Variants in ZDHHC11 observed in about 807,000 individuals in gnomAD.
The protein encoded by ZDHHC11 is palmitoyltransferase ZDHHC11.
Under a neutral mutation model 51.3 loss-of-function variants are expected in ZDHHC11, and 44 were observed. That is an observed-to-expected ratio of 0.86 (90% CI 0.67 to 1.10). ZDHHC11 has a LOEUF of 1.10. Ranked by LOEUF, ZDHHC11 falls within the 50% of genes least tolerant of loss-of-function variation. ZDHHC11 has a pLI of 0.00. For synonymous variants in ZDHHC11, 163 were observed against 222.0 expected (o/e 0.73, Z 2.36); for missense variants, 400 against 537.7 (o/e 0.74, Z 2.53).
intron 11 of ZDHHC11, among the ~76,000 whole-genome samples, chr5:808,822 C>T (rs1318860627): frequency 2.0e-5 from 3 of 146,998 alleles, no homozygotes; most frequent in Non-Finnish European, 3.0e-5. Flanking sequence ...CTCAGCCTCC[C>T]GAGTAGCTGG....
At chr5:838,334 C>T (rs1268919066) in intron 5 of ZDHHC11, among the ~76,000 whole-genome samples, 1 of 152,190 alleles carries the variant, frequency 6.6e-6, no homozygotes, top group South Asian at 2.1e-4. Context: ...CCACGAGCTT[C>T]CATGGAGGGG....
chr5:851,429 G>A (rs1747220344), upstream of ZDHHC11, among the ~76,000 whole-genome samples: 1 of 152,178 alleles, frequency 6.6e-6, no homozygotes, highest in Non-Finnish European at 1.5e-5. Context: ...GATCTTGAGG[G>A]GCTGGGCGGT....
intron 1 of ZDHHC11, 125 bp from the exon 2 acceptor site, chr5:848,785 G>A (rs1433406875): frequency 6.5e-6 from 9 of 1,388,542 alleles, no homozygotes; most frequent in Non-Finnish European, 5.9e-6. Flanking sequence ...CCCTGCACAC[G>A]TGAGCCCAGC....
At chr5:838,300 A>C (rs1206353243) in intron 5 of ZDHHC11, among the ~76,000 whole-genome samples, 1 of 152,008 alleles carries the variant, frequency 6.6e-6, no homozygotes, top group African/African-American at 2.4e-5. Context: ...AACGTTAATA[A>C]AATGGGCTCT....
chr5:800,862 T>C (rs1738314665), intron 12 of ZDHHC11, among the ~76,000 whole-genome samples: 1 of 151,310 alleles, frequency 6.6e-6, no homozygotes, highest in Admixed American at 6.6e-5. Context: ...AATCTATACA[T>C]TGTTTACTGC....
In ZDHHC11 at chr5:824,099, C is replaced by T. The variant is rs192911729; in HGVS notation, c.1023+1065G>A. ...GGAAGTGTGGTGAGGTGGCCCTGCC[C>T]CCACAGGGAAGGAGAACACACCTGT... On this transcript the variant is annotated intron_variant, in intron 8 of 12. Transcript: ENST00000283441. 1,916 of 454,786 alleles carry T rather than the reference C, an allele frequency of 4.2e-3. 79 individuals are homozygous for T. Among genetic ancestry groups the T allele is most frequent in the Non-Finnish European group, 7.3e-3 (1,641 of 226,144 alleles). The allele number at this position is 454,786 out of a possible 1,614,324, so 28.2% of individuals were successfully genotyped here.
intron 11 of ZDHHC11, among the ~76,000 whole-genome samples, chr5:812,565 C>T (rs181435650): frequency 4.0e-5 from 6 of 151,270 alleles, no homozygotes; most frequent in African/African-American, 1.5e-4. Flanking sequence ...TTGCTAATAT[C>T]TGGTGCTGAA....
At chr5:838,404 C>CT (rs1744228767) in intron 5 of ZDHHC11, among the ~76,000 whole-genome samples, 1 of 152,132 alleles carries the variant, frequency 6.6e-6, no homozygotes, top group South Asian at 2.1e-4. Flanking sequence ...TGTCTTGTGA[C>CT]TATTTCTGGA....
At chr5:836,268 A>G (rs1743835003) in intron 6 of ZDHHC11, among the ~76,000 whole-genome samples, 1 of 150,370 alleles carries the variant, frequency 6.7e-6, no homozygotes, top group Non-Finnish European at 1.5e-5. Flanking sequence ...ATTGATTGGC[A>G]TGATTGCGTG....
intron 11 of ZDHHC11, among the ~76,000 whole-genome samples, chr5:811,213 G>A (rs1346207978): frequency 1.4e-5 from 2 of 139,762 alleles, no homozygotes; most frequent in East Asian, 2.0e-4. Context: ...ATGGATAAAG[G>A]AGAAAATGTC....
At chr5:797,163 G>A (rs1737707431) in intron 12 of ZDHHC11, among the ~76,000 whole-genome samples, 1 of 151,238 alleles carries the variant, frequency 6.6e-6, no homozygotes, top group Admixed American at 6.6e-5. Flanking sequence ...GCCAAGATTG[G>A]GCCACTGCAC....
At position 828,475 on chromosome 5, in the gene ZDHHC11, C is replaced by T. The variant is rs1287308298; in HGVS notation, c.936-3224G>A. On this transcript the variant is annotated intron_variant, in intron 7 of 12. Transcript: ENST00000283441. ...GGGGGCTGACCCCCCACCTCCCTCC[C>T]GGACGGGGGACCTGCCAAATTTATA... 2.3e-4 allele frequency among the ~76,000 whole-genome samples: 35 copies of T among 151,196 alleles called. 1 individual carries two copies. Among genetic ancestry groups the T allele is most frequent in the African/African-American group, 6.8e-4 (28 of 41,106 alleles).
chr5:856,377 CCCA>C (rs1192426967), intron 1 of ZDHHC11, among the ~76,000 whole-genome samples: 1 of 151,342 alleles, frequency 6.6e-6, no homozygotes, highest in African/African-American at 2.4e-5. Context: ...ACACAGACCA[CCCA>C]CAACACATAC....
chr5:851,602 G>A (rs575988726), upstream of ZDHHC11, among the ~76,000 whole-genome samples: 5 of 152,212 alleles, frequency 3.3e-5, no homozygotes, highest in East Asian at 1.9e-4. Flanking sequence ...TCTTGCAGTC[G>A]TGAACGTCCA....
intron 12 of ZDHHC11, among the ~76,000 whole-genome samples, chr5:799,407 G>A (rs993711319): frequency 2.6e-5 from 4 of 151,558 alleles, no homozygotes; most frequent in Admixed American, 6.6e-5. Flanking sequence ...CCAAATACAC[G>A]ATTTTTCTTT....
chr5:858,176 C>T (rs1409738951), intron 1 of ZDHHC11, among the ~76,000 whole-genome samples: 2 of 144,778 alleles, frequency 1.4e-5, no homozygotes, highest in African/African-American at 5.2e-5. Context: ...CCAGGCCTGT[C>T]TTTATGACAC....
upstream of ZDHHC11, among the ~76,000 whole-genome samples, chr5:852,230 C>A (rs1339945659): frequency 6.6e-6 from 1 of 152,144 alleles, no homozygotes; most frequent in Non-Finnish European, 1.5e-5. Context: ...CCTGGAATAT[C>A]AAATCCAGGA....
chr5:843,090 C>G (rs1185226453), intron 4 of ZDHHC11, among the ~76,000 whole-genome samples: 1 of 151,904 alleles, frequency 6.6e-6, no homozygotes, highest in Non-Finnish European at 1.5e-5. Context: ...CTCACCGCCA[C>G]GTCTCTCCAG....
chr5:823,076 T>A (rs1206099508), intron 8 of ZDHHC11, among the ~76,000 whole-genome samples: 3 of 150,480 alleles, frequency 2.0e-5, no homozygotes, highest in Non-Finnish European at 4.4e-5. Flanking sequence ...TTTCAGCCTG[T>A]GGCTTATATT....
Sources: gnomAD v4.1 joint callset for allele counts (sites outside exome capture counted in the v4.1 genomes callset) on GRCh38, gnomAD v4.1.1 for gene constraint, MANE v1.5 for transcripts, NCBI Gene and HGNC (gene_info 2026-07-23, HGNC 2026-07-21) for gene names.